EGFR: variants seen among roughly 807,000 people sequenced by gnomAD.
EGFR encodes epidermal growth factor receptor, also known as avian erythroblastic leukemia viral (v-erb-b) oncogene homolog.
In EGFR, 58 loss-of-function variants were observed where a neutral mutation model predicts 143.0. That is an observed-to-expected ratio of 0.41 (90% CI 0.33 to 0.50). The LOEUF is 0.50. EGFR is among the 20% of genes least tolerant of loss of function. EGFR has a pLI of 0.39. For missense variants in EGFR, 1,307 were observed against 1,579.0 expected (o/e 0.83, Z 2.92); for synonymous variants, 613 against 594.4 (o/e 1.03, Z -0.45).
intron 12 of EGFR, 82 bp downstream of exon 12, chr7:55,160,420 C>G: frequency 7.2e-7 from 1 of 1,388,866 alleles, no homozygotes; most frequent in Non-Finnish European, 9.9e-7. Flanking sequence ...AAGGGCTATT[C>G]CCATTTAAAT....
intron 1 of EGFR, among the ~76,000 whole-genome samples, chr7:55,020,100 G>C (rs1185402162): frequency 6.6e-6 from 1 of 152,358 alleles, no homozygotes; most frequent in East Asian, 1.9e-4. Context: ...TGCTGGCGGC[G>C]GTTAGTTTCC....
At chr7:55,109,514 G>A (rs578089146) in intron 1 of EGFR, among the ~76,000 whole-genome samples, 1 of 152,342 alleles carries the variant, frequency 6.6e-6, no homozygotes, top group South Asian at 2.1e-4. Flanking sequence ...CTGCTTACTG[G>A]TTAGGGCAGC....
chr7:55,095,268 TA>T (rs1447272002), intron 1 of EGFR, among the ~76,000 whole-genome samples: 1 of 152,228 alleles, frequency 6.6e-6, no homozygotes, highest in African/African-American at 2.4e-5. Flanking sequence ...AAGCTCAAGT[TA>T]CTTAACCTCT....
In EGFR at chr7:55,200,340, G is replaced by A. The variant is rs1368179445; in HGVS notation, c.2873G>A (p.Arg958His). The A allele has an allele frequency of 5.0e-6, 8 of 1,613,830 alleles. No homozygotes were observed. The highest frequency in any genetic ancestry group is 1.1e-5 in the South Asian group (1 of 91,068). ...GGCTGGATGATAGACGCAGATAGTCGCCCAAAGTTCCGTGAGTTGATCATC... is the reference window on the plus strand; with the variant it reads ...GGCTGGATGATAGACGCAGATAGTCACCCAAAGTTCCGTGAGTTGATCATC... ...VKCWMIDADS[R>H]PKFRELIIEF... is the part of the protein sequence containing the mutation. The change falls in exon 24 of 28, where the codon CGC becomes CAC. Residue 958 changes from arginine to histidine, a missense_variant. Around this residue, in one of 7 missense-constraint regions of EGFR, gnomAD observed 348 missense variants for 451.5 expected, o/e 0.77. Coordinates refer to ENST00000275493, the MANE Select transcript of EGFR (RefSeq NM_005228.5).
intron 1 of EGFR, among the ~76,000 whole-genome samples, chr7:55,082,866 G>A (rs1790541622): frequency 6.6e-6 from 1 of 152,190 alleles, no homozygotes; most frequent in Non-Finnish European, 1.5e-5. Context: ...AACCTGCTGA[G>A]GATGATGCCC....
chr7:55,123,027 T>C (rs1793303366), intron 1 of EGFR, among the ~76,000 whole-genome samples: 2 of 152,212 alleles, frequency 1.3e-5, no homozygotes, highest in African/African-American at 4.8e-5. Context: ...ATTCACATGG[T>C]GGGATATTTT....
chr7:55,160,146 T>A lies in EGFR; in HGVS notation c.1306T>A (p.Phe436Ile), dbSNP rs1345387967. The A allele has an allele frequency of 6.2e-7, 1 of 1,614,032 alleles. No homozygotes were observed. Among genetic ancestry groups the A allele is most frequent in the Non-Finnish European group, 8.5e-7 (1 of 1,180,032 alleles). Residue 436 changes from phenylalanine to isoleucine, a missense_variant, in exon 12 of 28, where the codon TTT (phenylalanine) becomes ATT (isoleucine). Around this residue, in one of 7 missense-constraint regions of EGFR, gnomAD observed 250 missense variants for 295.1 expected, o/e 0.85. Transcript: ENST00000275493. ...TTCTTCTCTCCAATGTAGTGGTCAG[T>A]TTTCTCTTGCAGTCGTCAGCCTGAA... is the stretch of plus-strand genomic sequence containing the variant. Reference protein sequence around the residue: ...IRGRTKQHGQFSLAVVSLNIT... With the variant: ...IRGRTKQHGQISLAVVSLNIT...
At chr7:55,203,168 T>C (rs111382549) in intron 27 of EGFR, 7,063 of 217,644 alleles carry the variant, frequency 0.032, 479 homozygotes, top group African/African-American at 0.16. Flanking sequence ...ACCACACACA[T>C]ACCATACACA....
intron 1 of EGFR, among the ~76,000 whole-genome samples, chr7:55,027,991 A>ATATATATATATAT (rs1554311535): frequency 1.4e-3 from 75 of 54,922 alleles, no homozygotes; most frequent in East Asian, 3.4e-3. Context: ...AAAAAAAAAA[A>ATATATATATATAT]ATATATATAT....
At chr7:55,116,132 G>A (rs953562771) in intron 1 of EGFR, among the ~76,000 whole-genome samples, 2 of 152,202 alleles carry the variant, frequency 1.3e-5, no homozygotes, top group Non-Finnish European at 2.9e-5. Flanking sequence ...GATTCTCCTA[G>A]GAAAAGAAAG....
At chr7:55,091,545 T>C (rs1176809985) in intron 1 of EGFR, among the ~76,000 whole-genome samples, 1 of 152,194 alleles carries the variant, frequency 6.6e-6, no homozygotes. Context: ...ACAGGCTTCC[T>C]GGTTACCTTC....
intron 20 of EGFR, chr7:55,181,972 C>T (rs569022426): frequency 4.4e-6 from 1 of 228,648 alleles, no homozygotes; most frequent in Non-Finnish European, 8.7e-6. Flanking sequence ...GTGGCTGGGG[C>T]CTTGGCTAAG....
intron 19 of EGFR, 166 bp from the exon 20 acceptor site, chr7:55,181,127 G>A (rs561603620): frequency 3.2e-5 from 27 of 854,068 alleles, no homozygotes; most frequent in African/African-American, 8.3e-5. Flanking sequence ...ACAGCCCTGC[G>A]TAAACGTCCC....
At chr7:55,136,439 C>T (rs1483824510) in intron 1 of EGFR, among the ~76,000 whole-genome samples, 9 of 152,312 alleles carry the variant, frequency 5.9e-5, no homozygotes, top group African/African-American at 2.2e-4. Context: ...GCAGAGAAAC[C>T]CAGGACAAGT....
intron 7 of EGFR, among the ~76,000 whole-genome samples, chr7:55,154,917 G>GAA (rs11381480): frequency 5.9e-4 from 88 of 148,550 alleles, no homozygotes; most frequent in East Asian, 1.6e-3. Flanking sequence ...ATTCCGTATG[G>GAA]AAAAAAAAAA....
Position 55,033,987 on chromosome 7 carries a change from T to C in EGFR, c.88+14622T>C, listed in dbSNP as rs72605065. 0.019 allele frequency among the ~76,000 whole-genome samples: 2,860 copies of C among 152,282 alleles called. 207 individuals carry two copies. In the East Asian group the frequency reaches 0.22, roughly 12 times the overall value. On this transcript the variant is annotated intron_variant, in intron 1 of 27. Transcript: ENST00000275493. ...CTGTGACTGGCCCATTTCTTGTTTT[T>C]TTTCTCTTGCTCTGCTTTCTCCCCC...
At chr7:55,091,519 A>G (rs1440680247) in intron 1 of EGFR, among the ~76,000 whole-genome samples, 5 of 151,982 alleles carry the variant, frequency 3.3e-5, no homozygotes, top group Admixed American at 6.6e-5. Context: ...CACCCCTCCC[A>G]CCTCCCTTCG....
intron 15 of EGFR, among the ~76,000 whole-genome samples, chr7:55,170,078 C>T (rs1036015623): frequency 6.6e-6 from 1 of 152,114 alleles, no homozygotes; most frequent in African/African-American, 2.4e-5. Context: ...CCCTACGAAG[C>T]CTGTGTGTTT....
At chr7:55,136,630 T>C (rs1205890853) in intron 1 of EGFR, among the ~76,000 whole-genome samples, 1 of 152,234 alleles carries the variant, frequency 6.6e-6, no homozygotes, top group Non-Finnish European at 1.5e-5. Flanking sequence ...TGACTTAAGA[T>C]TTTTTGACTT....
Sources: allele counts gnomAD v4.1 joint callset (sites outside exome capture counted in the v4.1 genomes callset), GRCh38; gene constraint gnomAD v4.1.1; regional missense constraint gnomAD v4.1.1; transcripts MANE v1.5; gene names NCBI Gene and HGNC (gene_info 2026-07-23, HGNC 2026-07-21).